RSBN1: variants seen among roughly 807,000 people sequenced by gnomAD.
RSBN1 encodes the protein round spermatid basic protein 1.
A neutral mutation model predicts 74.8 loss-of-function variants in RSBN1; 23 were observed. The observed-to-expected ratio is 0.31, with a 90% CI of 0.22 to 0.44. The LOEUF is 0.44. RSBN1 is among the 20% of genes least tolerant of loss of function. The pLI, the probability that RSBN1 is intolerant of heterozygous loss-of-function variation, is 1.00. For missense variants in RSBN1, 808 were observed against 1,020.9 expected (o/e 0.79, Z 2.84); for synonymous variants, 407 against 379.6 (o/e 1.07, Z -0.84).
At chr1:113,782,841 G>A (rs773952042) in intron 2 of RSBN1, among the ~76,000 whole-genome samples, 1 of 152,106 alleles carries the variant, frequency 6.6e-6, no homozygotes, top group Admixed American at 6.5e-5. Flanking sequence ...CCAGAACTGG[G>A]GTGAGGTGAT....
chr1:113,795,873 AC>A (rs892771862), intron 2 of RSBN1, among the ~76,000 whole-genome samples: 1 of 152,188 alleles, frequency 6.6e-6, no homozygotes, highest in African/African-American at 2.4e-5. Context: ...AGACACCCTT[AC>A]AAAACTGGGA....
chr1:113,769,608 A>G (rs1052364163), intron 4 of RSBN1, among the ~76,000 whole-genome samples: 3 of 152,216 alleles, frequency 2.0e-5, no homozygotes, highest in African/African-American at 7.2e-5. Context: ...ATGATAGTGA[A>G]TAAGAAGCAA....
chr1:113,797,684 T>C lies in RSBN1; in HGVS notation c.1056A>G (p.Thr352=), dbSNP rs775286145. 16 of 1,614,120 alleles carry C rather than the reference T, an allele frequency of 9.9e-6. No individual in the cohort carries two copies. Among genetic ancestry groups the C allele is most frequent in the Non-Finnish European group, 1.3e-5 (15 of 1,179,980 alleles). Residue 352 remains threonine, a synonymous_variant, in exon 2 of 7, where the codon ACA becomes ACG. Coordinates refer to ENST00000261441, the MANE Select transcript of RSBN1 (RefSeq NM_018364.5). ...EHSIRRNFLK[T]GTKFSNFIHE... Reference sequence around the variant, plus strand: ...GAATAAAGTTGCTAAATTTAGTACCTGTTTTTAAGAAATTTCTACGAATAG... The same window carrying C: ...GAATAAAGTTGCTAAATTTAGTACCCGTTTTTAAGAAATTTCTACGAATAG...
rs1281466162 is a variant in RSBN1 at position 113,765,031 on chromosome 1, G to C, written c.*949C>G. On this transcript the variant is annotated 3_prime_UTR_variant, in exon 7 of 7. Coordinates refer to ENST00000261441, the MANE Select transcript of RSBN1 (RefSeq NM_018364.5). ...TGTGAATTGAAGTGTCTCAGTAGTA[G>C]ATATTTATCATGAAGAGGTTGATGC... 2.0e-5 allele frequency: 3 copies of C among 152,260 alleles called. No individual in the cohort carries two copies. The highest frequency in any genetic ancestry group is 7.2e-5 in the African/African-American group (3 of 41,428). 9.4% of individuals were successfully genotyped at this position (152,260 alleles called of 1,614,324 possible).
chr1:113,774,697 C>A lies in RSBN1; in HGVS notation c.1658+2513G>T, dbSNP rs1012701149. The stretch of plus-strand genomic sequence containing the variant: ...GTCTCAAAAACAACAACAACAACAA[C>A]AAAAAACAACTAGCCAGGCATGGTG... On this transcript the variant is annotated intron_variant, in intron 4 of 6. Transcript: ENST00000261441. Among the ~76,000 whole-genome samples, 10 of 149,902 alleles carry A rather than the reference C, an allele frequency of 6.7e-5. No individual in the cohort carries two copies. The South Asian group carries it at 1.3e-3, about 19-fold the overall frequency.
At position 113,809,856 on chromosome 1, in the gene RSBN1, G is replaced by A. The variant is rs541988732; in HGVS notation, c.703+1854C>T. Among the ~76,000 whole-genome samples the A allele has an allele frequency of 2.5e-4, 38 of 152,290 alleles. No homozygotes were observed. The South Asian group carries it at 7.9e-3, about 32-fold the overall frequency. ...GTTCCTCAATCATGCCACATTTCAAGTCTGTTCAGGAACCACATACGGCTA... is the reference window on the plus strand; with the variant it reads ...GTTCCTCAATCATGCCACATTTCAAATCTGTTCAGGAACCACATACGGCTA... On this transcript the variant is annotated intron_variant, in intron 1 of 6. Transcript: ENST00000261441.
chr1:113,789,881 T>G (rs539300839), intron 2 of RSBN1, among the ~76,000 whole-genome samples: 1 of 152,324 alleles, frequency 6.6e-6, no homozygotes, highest in Non-Finnish European at 1.5e-5. Flanking sequence ...TAGAGTTAGA[T>G]GTATCAAAAT....
chr1:113,781,443 C>T lies in RSBN1; in HGVS notation c.1378-3635G>A, dbSNP rs1042176971. ...GATTTCCCTTTCCAGGCTTCCTCCT[C>T]TCCAAAACGTGGTTGTTGCAGAGTT... is the stretch of plus-strand genomic sequence containing the variant. On this transcript the variant is annotated intron_variant, in intron 2 of 6. Coordinates refer to ENST00000261441, the MANE Select transcript of RSBN1 (RefSeq NM_018364.5). Among the ~76,000 whole-genome samples the T allele has an allele frequency of 3.3e-5, 5 of 152,188 alleles. 1 individual carries two copies.
At chr1:113,794,644 C>A (rs780266481) in intron 2 of RSBN1, among the ~76,000 whole-genome samples, 6 of 152,196 alleles carry the variant, frequency 3.9e-5, no homozygotes, top group Non-Finnish European at 7.3e-5. Flanking sequence ...CAAGATTGTA[C>A]TCAAGCATCA....
intron 4 of RSBN1, among the ~76,000 whole-genome samples, chr1:113,772,528 T>C (rs1193754557): frequency 3.3e-5 from 5 of 152,190 alleles, no homozygotes; most frequent in Non-Finnish European, 7.3e-5. Flanking sequence ...TGCTGTATTA[T>C]TTTATTTTTA....
In RSBN1 at chr1:113,812,346, C is replaced by T. The variant is rs1315827887; in HGVS notation, c.67G>A (p.Gly23Ser). The T allele has an allele frequency of 6.2e-7, 1 of 1,603,668 alleles. No homozygotes were observed. The highest frequency in any genetic ancestry group is 8.5e-7 in the Non-Finnish European group (1 of 1,179,540). The change falls in exon 1 of 7, where the codon GGC becomes AGC. Residue 23 changes from glycine to serine, a missense_variant. Physicochemically the swap from Gly to Ser is moderately conservative, Grantham distance 56. Around this residue, in one of 6 missense-constraint regions of RSBN1, gnomAD observed 464 missense variants for 401.0 expected, o/e 1.16. Transcript: ENST00000261441. ...CGCGCAAGCGCCGCCCGCGCACTGC[C>T]CGCTGGGCATTGGAGTCTCTCCTCC... is the stretch of plus-strand genomic sequence containing the variant. ...RAEERLQCPA[G>S]SARAALARCA...
intron 1 of RSBN1, among the ~76,000 whole-genome samples, chr1:113,807,615 G>C (rs1660730638): frequency 6.6e-6 from 1 of 151,936 alleles, no homozygotes; most frequent in South Asian, 2.1e-4. Flanking sequence ...TAAAAAAGTA[G>C]CTGGGTGTGG....
intron 1 of RSBN1, among the ~76,000 whole-genome samples, chr1:113,808,221 A>G (rs1660752724): frequency 6.6e-6 from 1 of 152,226 alleles, no homozygotes. Context: ...AGTCCTTCAT[A>G]TAAAATGGCA....
chr1:113,783,297 GAGA>G (rs1437243243), intron 2 of RSBN1, among the ~76,000 whole-genome samples: 3 of 151,844 alleles, frequency 2.0e-5, no homozygotes, highest in African/African-American at 4.8e-5. Context: ...GGTGGAGGGG[GAGA>G]AGAAGAACTG....
chr1:113,766,464 A>G lies in RSBN1; in HGVS notation c.1936-11T>C. 1 of 1,553,842 alleles carries G rather than the reference A, an allele frequency of 6.4e-7. No homozygotes were observed. The highest frequency in any genetic ancestry group is 8.8e-7 in the Non-Finnish European group (1 of 1,140,476). On this transcript the variant is annotated splice_polypyrimidine_tract_variant and intron_variant, in intron 6 of 6. Transcript: ENST00000261441. The stretch of plus-strand genomic sequence containing the variant: ...TACCCACTGTACGCACTGAAGAAAG[A>G]AAAAAGTTACGTGAGACTTTAAAAT...
chr1:113,812,303 G>A lies in RSBN1; in HGVS notation c.110C>T (p.Ala37Val). The A allele has an allele frequency of 6.2e-7, 1 of 1,603,778 alleles. No homozygotes were observed. Residue 37 changes from alanine (A) to valine (V), a missense_variant, in exon 1 of 7, where the codon GCG becomes GTG. Coordinates refer to ENST00000261441, the MANE Select transcript of RSBN1 (RefSeq NM_018364.5). ...AAACACACATTTAAATGGCCCGACC[G>A]CCCCCCCGTCCGCGCATCGCGCAAG... ...AALARCADGG[A>V]VGPFKCVFVG...
At chr1:113,784,426 T>TAG (rs770825362) in intron 2 of RSBN1, among the ~76,000 whole-genome samples, 5 of 152,200 alleles carry the variant, frequency 3.3e-5, no homozygotes, top group Non-Finnish European at 7.3e-5. Context: ...CTGAATACTG[T>TAG]AGTCCAGTGG....
chr1:113,797,326 C>A, intron 2 of RSBN1, 37 bp downstream of exon 2: 1 of 1,303,596 alleles, frequency 7.7e-7, no homozygotes, highest in Non-Finnish European at 1.0e-6. Flanking sequence ...TGTTTAGAAT[C>A]GTATTTACTA....
chr1:113,763,419 A>G lies in RSBN1; in HGVS notation c.*2561T>C, dbSNP rs1659719083. The G allele has an allele frequency of 6.5e-6, 1 of 152,708 alleles. No individual in the cohort carries two copies. The highest frequency in any genetic ancestry group is 2.4e-5 in the African/African-American group (1 of 41,470). 9.5% of individuals were successfully genotyped at this position (152,708 alleles called of 1,614,324 possible). ...CTACTTTAACAAATCAGAAGACGCC[A>G]GATTGCTCCATGCCTCACTCCACCA... On this transcript the variant is annotated 3_prime_UTR_variant, in exon 7 of 7. Transcript: ENST00000261441.
Sources: allele counts gnomAD v4.1 joint callset (sites outside exome capture counted in the v4.1 genomes callset), GRCh38; gene constraint gnomAD v4.1.1; regional missense constraint gnomAD v4.1.1; transcripts MANE v1.5; gene names NCBI Gene and HGNC (gene_info 2026-07-23, HGNC 2026-07-21).